The following MROH9 variants were observed in gnomAD, a reference collection of about 807,000 sequenced individuals.
MROH9 encodes the protein maestro heat-like repeat-containing protein family member 9.
MROH9 carries 92 observed loss-of-function variants against 98.2 expected under a neutral mutation model. The ratio of observed to expected loss-of-function variants is 0.94; its 90% CI spans 0.79 to 1.11. The LOEUF is 1.11. MROH9 is among the 50% of genes most tolerant of loss of function. MROH9 has a pLI of 0.00. For missense variants in MROH9, 1,057 were observed against 1,014.8 expected, an observed-to-expected ratio of 1.04 and a Z score of -0.57; for synonymous variants, 397 against 368.9, an observed-to-expected ratio of 1.08 and a Z score of -0.87.
chr1:170,958,054 C>G (rs1483826607), intron 3 of MROH9, among the ~76,000 whole-genome samples: 1 of 152,154 alleles, frequency 6.6e-6, no homozygotes, highest in Non-Finnish European at 1.5e-5. Context: ...CGTGGTCCCC[C>G]CGCCTCGGCC....
intron 15 of MROH9, chr1:170,998,779 C>A (rs1651684247): frequency 2.1e-6 from 2 of 969,184 alleles, no homozygotes; most frequent in South Asian, 4.8e-5. Context: ...CTTTTGTTTA[C>A]AAAAAATAAA....
At chr1:170,996,411 A>G in intron 13 of MROH9, 96 bp from the exon 14 acceptor site, 1 of 1,392,818 alleles carries the variant, frequency 7.2e-7, no homozygotes, top group African/African-American at 1.4e-5. Flanking sequence ...CAAAACCTAT[A>G]TTCTGCCCAA....
At position 170,987,225 on chromosome 1, in the gene MROH9, C is replaced by T. The variant is rs541206338; in HGVS notation, c.879+515C>T. Among the ~76,000 whole-genome samples, 7 of 152,278 alleles carry T rather than the reference C, an allele frequency of 4.6e-5. No homozygotes were observed. In the South Asian group the frequency reaches 1.2e-3, roughly 27 times the overall value. On this transcript the variant is annotated intron_variant, in intron 10 of 21. Transcript: ENST00000367759. Reference sequence around the variant, plus strand: ...TAGAGAGTAAGTAATGAATGCTTATCCACCAATCATATTAAATCATAATAT... The same window carrying T: ...TAGAGAGTAAGTAATGAATGCTTATTCACCAATCATATTAAATCATAATAT...
chr1:171,025,285 G>A (rs1652668349), intron 19 of MROH9, 33 bp from the exon 20 acceptor site: 5 of 1,331,914 alleles, frequency 3.8e-6, no homozygotes, highest in African/African-American at 1.5e-5. Context: ...TTCAGCAATC[G>A]AGTGAGGTGC....
chr1:171,036,831 G>A (rs1311011966), intron 20 of MROH9, among the ~76,000 whole-genome samples: 5 of 147,946 alleles, frequency 3.4e-5, no homozygotes, highest in Admixed American at 2.0e-4. Context: ...AGCAAAAAAC[G>A]AAACCCAAAG....
In MROH9 at chr1:171,062,276, C is replaced by A. The variant is rs371138057; in HGVS notation, c.2344+82C>A. The stretch of plus-strand genomic sequence containing the variant: ...TTTTAATTCTAGTCACATATGAGTT[C>A]TGTTAGAGTGCCAGGCCAGACAGGA... On this transcript the variant is annotated intron_variant, in intron 21 of 21. Coordinates refer to ENST00000367759, the MANE Select transcript of MROH9 (RefSeq NM_001163629.2). The A allele has an allele frequency of 1.9e-5, 19 of 979,948 alleles. 1 individual carries two copies. The African/African-American group carries it at 2.5e-4, about 13-fold the overall frequency. 60.7% of individuals were successfully genotyped at this position (979,948 alleles called of 1,614,324 possible).
chr1:170,959,248 G>T lies in MROH9; in HGVS notation c.153-214G>T, dbSNP rs188732646. On this transcript the variant is annotated intron_variant, in intron 4 of 21. Coordinates refer to ENST00000367759, the MANE Select transcript of MROH9 (RefSeq NM_001163629.2). Reference sequence around the variant, plus strand: ...AAATTAGCCAGGCGTGGTGGCGGGCGCCTGTAGTCCCAGCTACTCAGGAGG... The same window carrying T: ...AAATTAGCCAGGCGTGGTGGCGGGCTCCTGTAGTCCCAGCTACTCAGGAGG... Among the ~76,000 whole-genome samples, 4 of 152,150 alleles carry T rather than the reference G, an allele frequency of 2.6e-5. No homozygotes were observed. In the East Asian group the frequency reaches 7.8e-4, roughly 29 times the overall value.
intron 20 of MROH9, among the ~76,000 whole-genome samples, chr1:171,036,720 CA>C (rs1172232231): frequency 2.1e-5 from 3 of 144,280 alleles, no homozygotes; most frequent in African/African-American, 2.5e-5. Context: ...AATTTTATTA[CA>C]AAAAATAAAA....
At chr1:170,985,996 G>A (rs1464191720) in intron 9 of MROH9, among the ~76,000 whole-genome samples, 3 of 151,716 alleles carry the variant, frequency 2.0e-5, no homozygotes, top group South Asian at 2.1e-4. Context: ...AATTTGGCTC[G>A]TTTATCTTTC....
chr1:170,997,005 C>T lies in MROH9; in HGVS notation c.1475+361C>T, dbSNP rs565436368. Among the ~76,000 whole-genome samples, 3 of 152,166 alleles carry T rather than the reference C, an allele frequency of 2.0e-5. No homozygotes were observed. The East Asian group carries it at 5.8e-4, about 29-fold the overall frequency. On this transcript the variant is annotated intron_variant, in intron 14 of 21. Transcript: ENST00000367759. ...GTTTTAGACATGTTTCCACTTGAAA[C>T]AGGTCCAGTAAAAACCTATACTCAA...
chr1:170,969,211 T>A (rs923202151), intron 7 of MROH9, among the ~76,000 whole-genome samples: 1 of 152,034 alleles, frequency 6.6e-6, no homozygotes, highest in Non-Finnish European at 1.5e-5. Flanking sequence ...ACAAATAAAA[T>A]CTAACACACA....
chr1:170,953,776 G>A (rs191431599), intron 3 of MROH9, among the ~76,000 whole-genome samples: 3 of 149,314 alleles, frequency 2.0e-5, no homozygotes, highest in Non-Finnish European at 3.0e-5. Context: ...AGAAAGGATG[G>A]AGAGAGGGAG....
intron 2 of MROH9, 57 bp from the exon 3 acceptor site, chr1:170,947,470 A>G: frequency 1.4e-6 from 2 of 1,472,610 alleles, no homozygotes; most frequent in East Asian, 2.3e-5. Flanking sequence ...AGGCCCCACT[A>G]AGATGATAGG....
chr1:171,014,336 A>C (rs897343402), intron 16 of MROH9, 82 bp downstream of exon 16: 15 of 1,302,056 alleles, frequency 1.2e-5, no homozygotes, highest in Non-Finnish European at 1.6e-5. Flanking sequence ...CTTCACTGAC[A>C]AAGCGGTGAT....
intron 10 of MROH9, 119 bp downstream of exon 10, chr1:170,986,829 T>G: frequency 1.8e-6 from 2 of 1,120,998 alleles, no homozygotes; most frequent in African/African-American, 1.6e-5. Flanking sequence ...ATTATATGAC[T>G]TCAATATAAT....
chr1:170,972,874 AT>A (rs1650522652), intron 8 of MROH9, among the ~76,000 whole-genome samples: 1 of 147,944 alleles, frequency 6.8e-6, no homozygotes, highest in East Asian at 2.0e-4. Flanking sequence ...TTTTCAATTC[AT>A]TGCACATTAA....
chr1:171,017,486 A>G (rs1652365874), intron 17 of MROH9, among the ~76,000 whole-genome samples: 1 of 152,238 alleles, frequency 6.6e-6, no homozygotes, highest in South Asian at 2.1e-4. Flanking sequence ...AGCTGCACAG[A>G]TTCTCAACAG....
At chr1:170,961,082 C>T (rs1351489616) in intron 5 of MROH9, among the ~76,000 whole-genome samples, 1 of 152,146 alleles carries the variant, frequency 6.6e-6, no homozygotes, top group Non-Finnish European at 1.5e-5. Context: ...AGTAGCAGCA[C>T]TTAAAATAGC....
chr1:170,947,190 A>G (rs1042749342), intron 2 of MROH9, among the ~76,000 whole-genome samples: 1 of 152,062 alleles, frequency 6.6e-6, no homozygotes, highest in Non-Finnish European at 1.5e-5. Flanking sequence ...TTTGGAACTC[A>G]AAAATTATTG....
Sources: gnomAD v4.1 joint callset for allele counts (sites outside exome capture counted in the v4.1 genomes callset) on GRCh38, gnomAD v4.1.1 for gene constraint, MANE v1.5 for transcripts, NCBI Gene and HGNC (gene_info 2026-07-23, HGNC 2026-07-21) for gene names.